Variants in DLGAP2 observed in about 807,000 individuals in gnomAD.
The protein encoded by DLGAP2 is DLG associated protein 2.
DLGAP2 carries 26 observed loss-of-function variants against 100.3 expected under a neutral mutation model. The ratio of observed to expected loss-of-function variants is 0.26; its 90% confidence interval spans 0.19 to 0.36. The LOEUF is 0.36. DLGAP2 is among the 10% of genes least tolerant of loss of function. The probability of loss-of-function intolerance (pLI) is 1.00; values close to 1 mark genes in which losing one functional copy is unlikely to be tolerated. For missense variants in DLGAP2, 1,858 were observed against 1,453.2 expected (o/e 1.28, Z -4.53); for synonymous variants, 886 against 630.1 (o/e 1.41, Z -6.08).
intron 2 of DLGAP2, among the ~76,000 whole-genome samples, chr8:1,256,717 G>A (rs1799229979): frequency 6.6e-6 from 1 of 152,200 alleles, no homozygotes; most frequent in Non-Finnish European, 1.5e-5. Flanking sequence ...CTGTTCCCGA[G>A]TGAGATGCCT....
At chr8:1,229,597 T>TC (rs1798491935) in intron 2 of DLGAP2, among the ~76,000 whole-genome samples, 1 of 152,144 alleles carries the variant, frequency 6.6e-6, no homozygotes, top group African/African-American at 2.4e-5. Flanking sequence ...ATTGTGCTTA[T>TC]TGATGAACAC....
chr8:1,251,516 A>G (rs1799040055), intron 2 of DLGAP2, among the ~76,000 whole-genome samples: 1 of 152,202 alleles, frequency 6.6e-6, no homozygotes, highest in African/African-American at 2.4e-5. Context: ...GGCTCACTGC[A>G]GCCTCAAATT....
At chr8:1,558,603 T>C (rs1802051509) in intron 5 of DLGAP2, among the ~76,000 whole-genome samples, 1 of 149,402 alleles carries the variant, frequency 6.7e-6, no homozygotes, top group African/African-American at 2.5e-5. Context: ...TGCACACCCA[T>C]ATGCCTGCAC....
chr8:1,554,377 C>T (rs774827081), intron 5 of DLGAP2, among the ~76,000 whole-genome samples: 3 of 152,194 alleles, frequency 2.0e-5, no homozygotes, highest in Non-Finnish European at 4.4e-5. Flanking sequence ...TCTTTCTGCC[C>T]GATCTGGGGT....
intron 1 of DLGAP2, among the ~76,000 whole-genome samples, chr8:849,576 C>T (rs954590739): frequency 3.9e-5 from 6 of 152,154 alleles, no homozygotes; most frequent in South Asian, 4.1e-4. Context: ...CAGCCTTGCC[C>T]GAAGGTTCCA....
At chr8:1,456,143 A>C (rs1422185645) in intron 3 of DLGAP2, among the ~76,000 whole-genome samples, 1 of 152,214 alleles carries the variant, frequency 6.6e-6, no homozygotes, top group African/African-American at 2.4e-5. Context: ...GAGTGAGTTC[A>C]TGCCGGTTTT....
intron 2 of DLGAP2, among the ~76,000 whole-genome samples, chr8:1,135,285 C>G (rs1344849946): frequency 6.6e-6 from 1 of 152,060 alleles, no homozygotes; most frequent in African/African-American, 2.4e-5. Flanking sequence ...CCTTTGTCCC[C>G]AAATCCATTT....
intron 6 of DLGAP2, among the ~76,000 whole-genome samples, chr8:1,617,675 T>C (rs1042175384): frequency 6.6e-6 from 1 of 152,252 alleles, no homozygotes; most frequent in African/African-American, 2.4e-5. Context: ...CTGTTTACTC[T>C]GTCGATAGTT....
At chr8:1,410,566 G>A (rs949961892) in intron 3 of DLGAP2, among the ~76,000 whole-genome samples, 1 of 152,238 alleles carries the variant, frequency 6.6e-6, no homozygotes, top group South Asian at 2.1e-4. Flanking sequence ...TAAAGCAAAA[G>A]CATCAAGTCA....
At chr8:1,183,106 G>A (rs1206048416) in intron 2 of DLGAP2, among the ~76,000 whole-genome samples, 4 of 152,078 alleles carry the variant, frequency 2.6e-5, no homozygotes, top group African/African-American at 9.7e-5. Context: ...ATGCATTCAC[G>A]TTCGATTCCC....
chr8:1,193,984 T>C (rs994066532), intron 2 of DLGAP2, among the ~76,000 whole-genome samples: 5 of 152,160 alleles, frequency 3.3e-5, no homozygotes, highest in Non-Finnish European at 7.3e-5. Context: ...GAAGTCGTAG[T>C]ATCTGAAGCC....
intron 2 of DLGAP2, among the ~76,000 whole-genome samples, chr8:1,090,074 A>G (rs144596577): frequency 0.059 from 5,620 of 94,854 alleles, 127 homozygotes; most frequent in Middle Eastern, 0.13. Context: ...GCCTGTCTGC[A>G]CTCTGGAGCC....
At chr8:1,227,803 T>A (rs1198164374) in intron 2 of DLGAP2, among the ~76,000 whole-genome samples, 1 of 152,122 alleles carries the variant, frequency 6.6e-6, no homozygotes, top group African/African-American at 2.4e-5. Context: ...GCAGATAAGA[T>A]GAACAAGTCT....
intron 2 of DLGAP2, among the ~76,000 whole-genome samples, chr8:1,089,986 T>G (rs1804118229): frequency 6.6e-6 from 1 of 151,766 alleles, no homozygotes; most frequent in South Asian, 2.1e-4. Flanking sequence ...ACTCACACCC[T>G]GAGGACCTGT....
At chr8:907,812 T>C (rs1374840017) in intron 1 of DLGAP2, 100 bp from the exon 2 acceptor site, 1 of 396,296 alleles carries the variant, frequency 2.5e-6, no homozygotes, top group Non-Finnish European at 4.4e-6. Context: ...TTGTGCAACA[T>C]TGAACTACCT....
intron 2 of DLGAP2, among the ~76,000 whole-genome samples, chr8:996,455 C>T (rs1305091519): frequency 6.6e-6 from 1 of 152,112 alleles, no homozygotes; most frequent in Non-Finnish European, 1.5e-5. Flanking sequence ...CTGCTGGCTC[C>T]CGTGCTGAAG....
chr8:1,487,942 T>C (rs577176134), intron 3 of DLGAP2, among the ~76,000 whole-genome samples: 2 of 152,316 alleles, frequency 1.3e-5, no homozygotes, highest in South Asian at 4.1e-4. Context: ...CTAAACATCT[T>C]TCCCGGGACA....
At chr8:1,337,989 C>G (rs1308908535) in intron 3 of DLGAP2, among the ~76,000 whole-genome samples, 2 of 152,208 alleles carry the variant, frequency 1.3e-5, no homozygotes, top group South Asian at 4.1e-4. Context: ...AGATGAGATG[C>G]AATTGCATTC....
At chr8:836,301 C>T (rs1796874495) in intron 1 of DLGAP2, among the ~76,000 whole-genome samples, 1 of 152,202 alleles carries the variant, frequency 6.6e-6, no homozygotes, top group South Asian at 2.1e-4. Context: ...GGAGTAGACG[C>T]TGTGCAGCCA....
Sources: gnomAD v4.1 joint callset for allele counts (sites outside exome capture counted in the v4.1 genomes callset) on GRCh38, gnomAD v4.1.1 for gene constraint, MANE v1.5 for transcripts, NCBI Gene and HGNC (gene_info 2026-07-23, HGNC 2026-07-21) for gene names.